The following RIPOR3 variants were observed in gnomAD, a reference collection of about 807,000 sequenced individuals.
The protein encoded by RIPOR3 is family with sequence similarity 65 member C.
A neutral mutation model predicts 114.3 loss-of-function variants in RIPOR3; 95 were observed. The observed-to-expected ratio is 0.83, with a 90% confidence interval of 0.70 to 0.99. The LOEUF (loss-of-function observed/expected upper bound fraction) is 0.99, where lower values mean the gene tolerates loss of function less well. Ranked by LOEUF, RIPOR3 falls within the 50% of genes least tolerant of loss-of-function variation. The pLI is 0.00. For synonymous variants in RIPOR3, 575 were observed against 543.8 expected (o/e 1.06, Z -0.80); for missense variants, 1,252 against 1,266.9 (o/e 0.99, Z 0.18).
intron 2 of RIPOR3, among the ~76,000 whole-genome samples, chr20:50,627,614 C>T (rs1035694060): frequency 2.6e-5 from 4 of 151,426 alleles, no homozygotes; most frequent in Admixed American, 2.0e-4. Context: ...ACCTGGGAGG[C>T]GGAGGTTGCA....
intron 13 of RIPOR3, among the ~76,000 whole-genome samples, chr20:50,598,278 A>T (rs2083369640): frequency 6.6e-6 from 1 of 152,010 alleles, no homozygotes; most frequent in South Asian, 2.1e-4. Context: ...AGATTAAGGG[A>T]GAGTGTTGGG....
chr20:50,670,305 C>T (rs1208349610), intron 1 of RIPOR3, among the ~76,000 whole-genome samples: 1 of 152,076 alleles, frequency 6.6e-6, no homozygotes, highest in Non-Finnish European at 1.5e-5. Flanking sequence ...TCTTGGGCAT[C>T]GGACTTGGCT....
intron 1 of RIPOR3, among the ~76,000 whole-genome samples, chr20:50,663,470 G>A (rs900823604): frequency 9.9e-5 from 15 of 152,182 alleles, no homozygotes; most frequent in African/African-American, 3.4e-4. Context: ...TGATCATAGG[G>A]AATAACTCTA....
At chr20:50,607,649 C>T (rs1273085367) in intron 11 of RIPOR3, among the ~76,000 whole-genome samples, 2 of 152,130 alleles carry the variant, frequency 1.3e-5, no homozygotes, top group African/African-American at 4.8e-5. Context: ...ATTCTCAGCC[C>T]TACCAGACAG....
At chr20:50,629,580 C>T (rs1402748383) in intron 2 of RIPOR3, among the ~76,000 whole-genome samples, 1 of 152,150 alleles carries the variant, frequency 6.6e-6, no homozygotes, top group Non-Finnish European at 1.5e-5. Flanking sequence ...CCGGCCAGCA[C>T]CCCCAGGGAA....
intron 19 of RIPOR3, chr20:50,590,032 G>T (rs552125977): frequency 2.8e-6 from 1 of 361,770 alleles, no homozygotes; most frequent in Non-Finnish European, 5.3e-6. Flanking sequence ...TATTCCGGAA[G>T]TGCATTCTGA....
chr20:50,665,721 G>A (rs568711881), intron 1 of RIPOR3, among the ~76,000 whole-genome samples: 1 of 152,094 alleles, frequency 6.6e-6, no homozygotes, highest in South Asian at 2.1e-4. Context: ...TGCCTGCCGG[G>A]TGGGTTTCTT....
chr20:50,602,988 G>A lies in RIPOR3; in HGVS notation c.1087-344C>T, dbSNP rs1035377156. Among the ~76,000 whole-genome samples the A allele has an allele frequency of 5.9e-5, 9 of 152,092 alleles. No individual in the cohort carries two copies. Among genetic ancestry groups the A allele is most frequent in the South Asian group, 2.1e-4 (1 of 4,830 alleles). On this transcript the variant is annotated intron_variant, in intron 12 of 21. Coordinates refer to ENST00000327979, the MANE Select transcript of RIPOR3 (RefSeq NM_001290268.2). The surrounding 1 kb of genome is among the most constrained non-coding windows in gnomAD (Gnocchi z 4.3). ...ATGTGCCTTCATGGCTTGTGCCCTC[G>A]CCTCCTCAGGACCTTACATAGGTGT... is the stretch of plus-strand genomic sequence containing the variant.
chr20:50,671,319 G>A (rs111338338), intron 1 of RIPOR3, among the ~76,000 whole-genome samples: 101 of 152,180 alleles, frequency 6.6e-4, no homozygotes, highest in African/African-American at 2.2e-3. Context: ...AGCAGAATAT[G>A]GCAAAAGGGA....
intron 1 of RIPOR3, among the ~76,000 whole-genome samples, chr20:50,656,894 G>A (rs963027518): frequency 6.6e-6 from 1 of 152,168 alleles, no homozygotes; most frequent in Non-Finnish European, 1.5e-5. Context: ...AATAGAAGTT[G>A]CTTCCGAAAT....
At chr20:50,690,208 C>T (rs6020697) in intron 1 of RIPOR3, among the ~76,000 whole-genome samples, 20,793 of 152,242 alleles carry the variant, frequency 0.14, 1,498 homozygotes, top group East Asian at 0.22. Context: ...CAGAGTGATT[C>T]GAAACAGATT....
chr20:50,686,147 C>T (rs1195052652), intron 1 of RIPOR3, among the ~76,000 whole-genome samples: 3 of 151,960 alleles, frequency 2.0e-5, no homozygotes, highest in Admixed American at 2.0e-4. Flanking sequence ...AGCTCCGCCT[C>T]CCGGGTTCAC....
intron 11 of RIPOR3, 46 bp from the exon 12 acceptor site, chr20:50,604,820 C>G (rs751624182): frequency 5.0e-6 from 8 of 1,593,646 alleles, no homozygotes; most frequent in Non-Finnish European, 3.4e-6. Context: ...CACCCAGAGG[C>G]CATTTCAGGC....
At chr20:50,643,377 TCCTCC>T (rs1055644457) in intron 1 of RIPOR3, among the ~76,000 whole-genome samples, 1 of 150,448 alleles carries the variant, frequency 6.6e-6, no homozygotes, top group Non-Finnish European at 1.5e-5. Context: ...CCTCAAGTGA[TCCTCC>T]CGCCTTGGCC....
Position 50,590,064 on chromosome 20 carries a change from G to GTCTATAA in RIPOR3, c.2578-296_2578-295insTTATAGA, listed in dbSNP as rs2122856819. ...CTGAAACTGCTGTCTATAAAATGCTGAATCAGAGAAATCAGATGCCCAGCT... is the reference window on the plus strand; with the variant it reads ...CTGAAACTGCTGTCTATAAAATGCTGTCTATAAAATCAGAGAAATCAGATGCCCAGCT... On this transcript the variant is annotated intron_variant, in intron 19 of 21. Transcript: ENST00000327979. The GTCTATAA allele has an allele frequency of 9.3e-6, 3 of 321,148 alleles. No individual in the cohort carries two copies. In the East Asian group the frequency reaches 2.1e-4, roughly 22 times the overall value. 19.9% of individuals were successfully genotyped at this position (321,148 alleles called of 1,614,324 possible). A position where few individuals can be genotyped will look rare whatever the true frequency, so the allele number is the denominator to read the frequency against.
chr20:50,687,530 G>A (rs2087069584), intron 1 of RIPOR3, among the ~76,000 whole-genome samples: 1 of 152,360 alleles, frequency 6.6e-6, no homozygotes, highest in East Asian at 1.9e-4. Flanking sequence ...GAAAGTGAGT[G>A]TGTGGTGCAC....
chr20:50,639,267 A>G lies in RIPOR3; in HGVS notation c.4-8411T>C, dbSNP rs115686172. Among the ~76,000 whole-genome samples, 588 of 152,140 alleles carry G rather than the reference A, an allele frequency of 3.9e-3. 8 individuals carry two copies. The highest frequency in any genetic ancestry group is 0.014 in the African/African-American group (562 of 41,522). On this transcript the variant is annotated intron_variant, in intron 1 of 21. Transcript: ENST00000327979. ...AAAAAAAAAAAACCTGAAAACAGCA[A>G]TAATGCCAGTGGTACCCAACACGGC...
chr20:50,595,318 G>A lies in RIPOR3; in HGVS notation c.2050+51C>T, dbSNP rs370067381. ...AAGAGGCTCCCCGAGCTTTGATCCC[G>A]TCCCCGTGCCGCTCACATAGGCAGC... On this transcript the variant is annotated intron_variant, in intron 16 of 21. Coordinates refer to ENST00000327979, the MANE Select transcript of RIPOR3 (RefSeq NM_001290268.2). 71 of 1,594,408 alleles carry A rather than the reference G, an allele frequency of 4.5e-5. No homozygotes were observed. In the Middle Eastern group the frequency reaches 5.9e-4, roughly 13 times the overall value.
At chr20:50,668,991 C>A (rs532578460) in intron 1 of RIPOR3, among the ~76,000 whole-genome samples, 49 of 152,162 alleles carry the variant, frequency 3.2e-4, no homozygotes, top group African/African-American at 1.2e-3. Context: ...TATGCACACA[C>A]AGCACCTGCT....
Sources: allele counts gnomAD v4.1 joint callset (sites outside exome capture counted in the v4.1 genomes callset), GRCh38; gene constraint gnomAD v4.1.1; non-coding constraint Gnocchi (gnomAD v3.1); transcripts MANE v1.5; gene names NCBI Gene and HGNC (gene_info 2026-07-23, HGNC 2026-07-21).